The following DNAH2 variants were observed in gnomAD, a reference collection of about 807,000 sequenced individuals.
The protein encoded by DNAH2 is axonemal beta dynein heavy chain 2.
Under a neutral mutation model 523.5 loss-of-function variants are expected in DNAH2, and 323 were observed. That is an observed-to-expected ratio of 0.62 (90% confidence interval 0.56 to 0.68). The LOEUF (loss-of-function observed/expected upper bound fraction) is 0.68, where lower values mean the gene tolerates loss of function less well. Among genes scored for constraint, DNAH2 ranks in the 30% least tolerant of loss-of-function variants. The probability of loss-of-function intolerance (pLI) is 0.00; values close to 1 mark genes in which losing one functional copy is unlikely to be tolerated. For missense variants in DNAH2, 4,907 were observed against 5,701.5 expected (o/e 0.86, Z 4.49); for synonymous variants, 2,093 against 2,177.4 (o/e 0.96, Z 1.08).
At chr17:7,778,223 G>C (rs2076510451) in intron 34 of DNAH2, 43 bp downstream of exon 34, 3 of 1,613,908 alleles carry the variant, frequency 1.9e-6, no homozygotes, top group Non-Finnish European at 2.5e-6. Flanking sequence ...GTGGGGGGCA[G>C]CAGAAGCTGA....
At position 7,766,484 on chromosome 17, in the gene DNAH2, G is replaced by C. The variant is rs1430899734; in HGVS notation, c.3675+3G>C. ...AGGACCTTCAGAACCTGGAGAAGGTGGTGTGCTGAGCAAGGACCCTGTGGT... is the reference window on the plus strand; with the variant it reads ...AGGACCTTCAGAACCTGGAGAAGGTCGTGTGCTGAGCAAGGACCCTGTGGT... On this transcript the variant is annotated splice_donor_region_variant and intron_variant, in intron 22 of 85. Transcript: ENST00000572933. 2 of 1,613,474 alleles carry C rather than the reference G, an allele frequency of 1.2e-6. No homozygotes were observed. The highest frequency in any genetic ancestry group is 2.2e-5 in the East Asian group (1 of 44,876).
chr17:7,741,153 C>T (rs1001596621), intron 11 of DNAH2, among the ~76,000 whole-genome samples, 161 bp downstream of exon 11: 3 of 152,138 alleles, frequency 2.0e-5, no homozygotes, highest in Non-Finnish European at 4.4e-5. Flanking sequence ...GGGTTAAGAT[C>T]TGCAGAGGTG....
chr17:7,775,902 G>T (rs1597619177), intron 30 of DNAH2, 122 bp from the exon 31 acceptor site: 3 of 1,328,556 alleles, frequency 2.3e-6, no homozygotes, highest in African/African-American at 1.5e-5. Flanking sequence ...CCAGCTGTTG[G>T]CCATTCCCGC....
rs775077651 is a variant in DNAH2 at position 7,792,657 on chromosome 17, C to T, written c.7146C>T (p.Asn2382=). Reference sequence around the variant, plus strand: ...AGAGCCGGCCCCTGCTCTTCCCTAGCGCCCCCTTCTATAAGATCATGGTGC... The same window carrying T: ...AGAGCCGGCCCCTGCTCTTCCCTAGTGCCCCCTTCTATAAGATCATGGTGC... ...KLPKSWRYPP[N]APFYKIMVPT... is the part of the protein sequence containing the mutation. The change falls in exon 47 of 86, where the codon AAC becomes AAT. Residue 2382 remains asparagine, a splice_region_variant and synonymous_variant. Coordinates refer to ENST00000572933, the MANE Select transcript of DNAH2 (RefSeq NM_020877.5). 1.8e-5 allele frequency: 29 copies of T among 1,613,420 alleles called. No individual in the cohort carries two copies. Among genetic ancestry groups the T allele is most frequent in the South Asian group, 4.4e-5 (4 of 91,038 alleles).
At chr17:7,735,531 T>G (rs1047258922) in intron 7 of DNAH2, among the ~76,000 whole-genome samples, 3 of 151,960 alleles carry the variant, frequency 2.0e-5, no homozygotes, top group African/African-American at 7.2e-5. Flanking sequence ...CTCTACCTCC[T>G]GGGCTCAAGG....
At chr17:7,768,130 G>C in intron 23 of DNAH2, 34 bp from the exon 24 acceptor site, 1 of 1,614,148 alleles carries the variant, frequency 6.2e-7, no homozygotes, top group African/African-American at 1.3e-5. Flanking sequence ...CAGGGAGGTC[G>C]TCGGGTCTTC....
At chr17:7,756,827 C>T (rs2075853188) in intron 12 of DNAH2, among the ~76,000 whole-genome samples, 1 of 151,946 alleles carries the variant, frequency 6.6e-6, no homozygotes, top group African/African-American at 2.4e-5. Context: ...CACGCCACTG[C>T]GCCCGGCTAA....
At chr17:7,752,065 A>G (rs755042855) in intron 12 of DNAH2, among the ~76,000 whole-genome samples, 1 of 150,268 alleles carries the variant, frequency 6.7e-6, no homozygotes, top group African/African-American at 2.4e-5. Flanking sequence ...CAGCCCCCCA[A>G]GTAGCTGAAA....
At chr17:7,814,431 G>A (rs1205709812) in intron 63 of DNAH2, among the ~76,000 whole-genome samples, 1 of 152,008 alleles carries the variant, frequency 6.6e-6, no homozygotes. Flanking sequence ...CTAGCTGATG[G>A]GTGTTTCTAG....
At chr17:7,725,195 T>G (rs1383515588) in intron 3 of DNAH2, among the ~76,000 whole-genome samples, 2 of 151,630 alleles carry the variant, frequency 1.3e-5, no homozygotes, top group East Asian at 3.9e-4. Flanking sequence ...GCTCAAGTGA[T>G]TCTCATGTCT....
intron 13 of DNAH2, among the ~76,000 whole-genome samples, chr17:7,757,494 T>A (rs972802276): frequency 6.6e-6 from 1 of 152,036 alleles, no homozygotes; most frequent in African/African-American, 2.4e-5. Flanking sequence ...GTACCATATA[T>A]ATTGTAGCTC....
At chr17:7,749,708 A>C (rs1436980165) in intron 12 of DNAH2, among the ~76,000 whole-genome samples, 2 of 152,138 alleles carry the variant, frequency 1.3e-5, no homozygotes, top group East Asian at 3.9e-4. Flanking sequence ...AAATTGCCTC[A>C]TTATTAGGCC....
At chr17:7,824,348 C>G (rs758936675) in intron 76 of DNAH2, 44 bp downstream of exon 76, 3 of 1,493,422 alleles carry the variant, frequency 2.0e-6, no homozygotes, top group Non-Finnish European at 2.7e-6. Flanking sequence ...CAGCCCAGTC[C>G]TTGTCCCTAG....
intron 11 of DNAH2, 82 bp downstream of exon 11, chr17:7,741,074 AAG>A: frequency 2.0e-6 from 3 of 1,500,012 alleles, no homozygotes; most frequent in Non-Finnish European, 2.7e-6. Flanking sequence ...AGGTTCCCCA[AAG>A]AGTCTTCAGG....
rs2077089624 is a variant in DNAH2, at chr17:7,797,157, C to T, written c.7864-19C>T. 1 of 1,567,604 alleles carries T rather than the reference C, an allele frequency of 6.4e-7. No homozygotes were observed. Among genetic ancestry groups the T allele is most frequent in the East Asian group, 2.3e-5 (1 of 44,120 alleles). ...GAATCTTTTTGCTCCCTGGTCCCAA[C>T]AGTCAGTCCTCTTCCCAGGTGTTCC... On this transcript the variant is annotated intron_variant, in intron 50 of 85. Coordinates refer to ENST00000572933, the MANE Select transcript of DNAH2 (RefSeq NM_020877.5).
intron 7 of DNAH2, among the ~76,000 whole-genome samples, chr17:7,736,148 T>G (rs1218394455): frequency 6.6e-6 from 1 of 152,092 alleles, no homozygotes. Flanking sequence ...GTGTTGAGAT[T>G]ATAGGTGTGA....
At chr17:7,771,983 T>C (rs1179537574) in intron 28 of DNAH2, among the ~76,000 whole-genome samples, 1 of 152,200 alleles carries the variant, frequency 6.6e-6, no homozygotes, top group Admixed American at 6.5e-5. Flanking sequence ...CCCAAAGTTC[T>C]GGGATTACAG....
At position 7,786,982 on chromosome 17, in the gene DNAH2, T is replaced by C. The variant is rs1268189862; in HGVS notation, c.6552T>C (p.Asp2184=). 4 of 1,614,236 alleles carry C rather than the reference T, an allele frequency of 2.5e-6. No homozygotes were observed. The East Asian group carries it at 8.9e-5, about 36-fold the overall frequency. The part of the protein sequence containing the change: ...WIENMNSVMD[D]NKVLTLINGE... ...AGAACATGAACTCCGTCATGGACGA[T>C]AACAAGGTGTTGACCCTCATCAACG... The change falls in exon 42 of 86, where the codon GAT becomes GAC. Residue 2184 remains aspartate (D), a synonymous_variant. Coordinates refer to ENST00000572933, the MANE Select transcript of DNAH2 (RefSeq NM_020877.5). The surrounding 1 kb of genome is among the most constrained non-coding windows in gnomAD (Gnocchi z 7.5).
At chr17:7,727,384 G>A in intron 4 of DNAH2, 92 bp downstream of exon 4, 1 of 1,496,640 alleles carries the variant, frequency 6.7e-7, no homozygotes, top group Non-Finnish European at 8.9e-7. Context: ...GTCATCTCCT[G>A]TGCCCACGGC....
Sources: gnomAD v4.1 joint callset for allele counts (sites outside exome capture counted in the v4.1 genomes callset) on GRCh38, gnomAD v4.1.1 for gene constraint, Gnocchi (gnomAD v3.1) non-coding constraint, MANE v1.5 for transcripts, NCBI Gene and HGNC (gene_info 2026-07-23, HGNC 2026-07-21) for gene names.